Variants in RNF125 observed in about 807,000 individuals in gnomAD.
The protein encoded by RNF125 is ring finger protein 125, also known as E3 ubiquitin-protein ligase RNF125.
Under a neutral mutation model 26.0 loss-of-function variants are expected in RNF125, and 21 were observed. The ratio of observed to expected loss-of-function variants is 0.81; its 90% CI spans 0.57 to 1.16. The LOEUF (loss-of-function observed/expected upper bound fraction) is 1.16, where lower values mean the gene tolerates loss of function less well. Ranked by LOEUF, RNF125 falls within the 50% of genes most tolerant of loss-of-function variation. The pLI is 0.00. For synonymous variants in RNF125, 95 were observed against 109.2 expected (o/e 0.87, Z 0.81); for missense variants, 270 against 299.4 (o/e 0.90, Z 0.72).
chr18:32,079,750 A>G, the RNF125 span, among the ~76,000 whole-genome samples: 1 of 152,234 alleles, frequency 6.6e-6, no homozygotes, highest in African/African-American at 2.4e-5. Context: ...AAACTACCAG[A>G]CAACTTCTCT....
intron 1 of RNF125, among the ~76,000 whole-genome samples, chr18:32,019,813 C>T (rs936113743): frequency 4.6e-5 from 7 of 152,152 alleles, no homozygotes; most frequent in Admixed American, 4.6e-4. Context: ...TCCAAACCGG[C>T]GGAAATTACA....
At chr18:32,044,767 C>A (rs2039252056) in intron 3 of RNF125, among the ~76,000 whole-genome samples, 1 of 152,138 alleles carries the variant, frequency 6.6e-6, no homozygotes, top group Non-Finnish European at 1.5e-5. Context: ...TGTTTTCCAA[C>A]TTCACTAGCA....
Position 32,042,243 on chromosome 18 carries a change from C to A in RNF125, c.383C>A (p.Pro128Gln). Reference sequence around the variant, plus strand: ...CAGAAGTACATAGATAAGTATGGACCACTACAAGAACTTGAGGAGACAGCA... The same window carrying A: ...CAGAAGTACATAGATAAGTATGGACAACTACAAGAACTTGAGGAGACAGCA... ...TCQKYIDKYG[P>Q]LQELEETAAR... The change falls in exon 3 of 6, where the codon CCA becomes CAA. Residue 128 changes from proline (P) to glutamine (Q), a missense_variant. Coordinates refer to ENST00000217740, the MANE Select transcript of RNF125 (RefSeq NM_017831.4). 2 of 1,613,058 alleles carry A rather than the reference C, an allele frequency of 1.2e-6. No individual in the cohort carries two copies. The highest frequency in any genetic ancestry group is 1.7e-6 in the Non-Finnish European group (2 of 1,179,416).
chr18:32,075,752 G>A, downstream of RNF125: 1 of 439,798 alleles, frequency 2.3e-6, no homozygotes, highest in Non-Finnish European at 4.1e-6. Flanking sequence ...ATCTTTAAAA[G>A]CATCAATCTG....
chr18:32,065,397 C>T (rs1338052543), intron 4 of RNF125, among the ~76,000 whole-genome samples: 1 of 152,044 alleles, frequency 6.6e-6, no homozygotes, highest in Non-Finnish European at 1.5e-5. Flanking sequence ...GCCACTGCGC[C>T]CAGCTAATTT....
intron 4 of RNF125, among the ~76,000 whole-genome samples, chr18:32,065,040 AAC>A (rs1416672473): frequency 6.6e-6 from 1 of 152,220 alleles, no homozygotes; most frequent in Admixed American, 6.5e-5. Context: ...ATGAATATGA[AAC>A]AAATAGTTAT....
At chr18:32,078,962 A>G in the RNF125 span, among the ~76,000 whole-genome samples, 1 of 152,186 alleles carries the variant, frequency 6.6e-6, no homozygotes, top group African/African-American at 2.4e-5. Context: ...ACCATCTTTT[A>G]TATCACCAGT....
chr18:32,089,905 T>TA, the RNF125 span, among the ~76,000 whole-genome samples: 40 of 152,334 alleles, frequency 2.6e-4, no homozygotes, highest in Admixed American at 5.2e-4. Flanking sequence ...AAATACACCT[T>TA]ACTTCCTAAA....
At chr18:32,029,578 C>T (rs908357365) in intron 1 of RNF125, among the ~76,000 whole-genome samples, 3 of 151,418 alleles carry the variant, frequency 2.0e-5, no homozygotes, top group African/African-American at 7.3e-5. Flanking sequence ...AGTGATTGCA[C>T]CACTGCACTT....
rs1360869470 is a variant in RNF125, at chr18:32,065,791, A to C, written c.505-111A>C. 8 of 716,848 alleles carry C rather than the reference A, an allele frequency of 1.1e-5. No homozygotes were observed. In the Admixed American group the frequency reaches 1.4e-4, roughly 13 times the overall value. The allele number at this position is 716,848 out of a possible 1,614,324, so 44.4% of individuals were successfully genotyped here. On this transcript the variant is annotated intron_variant, in intron 4 of 5. Transcript: ENST00000217740. ...GGTGATCCGGCCGCCTCTGCCTCCC[A>C]AAGTACTGGGATTACAGGCGTAAGC...
At chr18:32,041,500 CTT>C (rs2039216325) in intron 2 of RNF125, among the ~76,000 whole-genome samples, 1 of 150,932 alleles carries the variant, frequency 6.6e-6, no homozygotes, top group African/African-American at 2.4e-5. Context: ...CTCTTGTGCT[CTT>C]TTTCTTCACC....
At chr18:32,082,100 C>T in the RNF125 span, among the ~76,000 whole-genome samples, 29 of 152,222 alleles carry the variant, frequency 1.9e-4, no homozygotes, top group Non-Finnish European at 7.4e-5. Context: ...GCTCCCTGAG[C>T]TACATTAGAG....
intron 1 of RNF125, among the ~76,000 whole-genome samples, chr18:32,019,248 G>T (rs1168155838): frequency 6.6e-6 from 1 of 152,156 alleles, no homozygotes; most frequent in African/African-American, 2.4e-5. Context: ...GGGTCCTGTA[G>T]CCCCCTTGCG....
At chr18:32,042,970 G>A (rs1321382792) in intron 3 of RNF125, among the ~76,000 whole-genome samples, 3 of 151,622 alleles carry the variant, frequency 2.0e-5, no homozygotes, top group Admixed American at 6.6e-5. Flanking sequence ...GCAACATGGC[G>A]AAACCCCATC....
At chr18:32,089,784 TAAGTA>T in the RNF125 span, among the ~76,000 whole-genome samples, 6 of 152,136 alleles carry the variant, frequency 3.9e-5, no homozygotes, top group African/African-American at 1.4e-4. Flanking sequence ...GGATTAGACA[TAAGTA>T]AAGCTGCCGT....
At chr18:32,025,247 A>G (rs1417910825) in intron 1 of RNF125, among the ~76,000 whole-genome samples, 4 of 152,192 alleles carry the variant, frequency 2.6e-5, no homozygotes, top group Admixed American at 6.5e-5. Flanking sequence ...CACAACATAT[A>G]TCACATGCAC....
At chr18:32,081,425 CA>C in the RNF125 span, among the ~76,000 whole-genome samples, 1 of 152,116 alleles carries the variant, frequency 6.6e-6, no homozygotes, top group Non-Finnish European at 1.5e-5. Flanking sequence ...ATAGAGACAA[CA>C]ACTTTACTCT....
intron 4 of RNF125, among the ~76,000 whole-genome samples, chr18:32,064,711 CAG>C (rs1163590136): frequency 6.6e-6 from 1 of 151,990 alleles, no homozygotes; most frequent in East Asian, 1.9e-4. Context: ...TTAGTAGAGA[CAG>C]GGTTTCACCA....
downstream of RNF125, among the ~76,000 whole-genome samples, chr18:32,075,028 T>A (rs1598831985): frequency 6.6e-6 from 1 of 152,332 alleles, no homozygotes; most frequent in Non-Finnish European, 1.5e-5. Context: ...GTGTACTCCT[T>A]GTGTGCCGCC....
Sources: gnomAD v4.1 joint callset for allele counts (sites outside exome capture counted in the v4.1 genomes callset) on GRCh38, gnomAD v4.1.1 for gene constraint, MANE v1.5 for transcripts, NCBI Gene and HGNC (gene_info 2026-07-23, HGNC 2026-07-21) for gene names.